Variants in ACADM observed in about 807,000 individuals in gnomAD.
The protein encoded by ACADM is acyl-CoA dehydrogenase medium chain.
Under a neutral mutation model 58.9 loss-of-function variants are expected in ACADM, and 49 were observed. The ratio of observed to expected loss-of-function variants is 0.83; its 90% CI spans 0.66 to 1.06. The LOEUF (loss-of-function observed/expected upper bound fraction) is 1.06. ACADM is among the 50% of genes least tolerant of loss of function. ACADM has a pLI of 0.00. For synonymous variants in ACADM, 160 were observed against 157.7 expected (o/e 1.01, Z -0.11); for missense variants, 496 against 507.0 (o/e 0.98, Z 0.21).
At chr1:75,757,003 C>A (rs1017195230) in intron 10 of ACADM, among the ~76,000 whole-genome samples, 3 of 152,046 alleles carry the variant, frequency 2.0e-5, no homozygotes, top group Non-Finnish European at 2.9e-5. Context: ...AACTGGCTAG[C>A]CATATGTAGA....
At chr1:75,728,574 TTAA>T (rs1302981265) in intron 2 of ACADM, 86 bp downstream of exon 2, 5 of 1,031,604 alleles carry the variant, frequency 4.8e-6, no homozygotes, top group Non-Finnish European at 4.5e-6. Flanking sequence ...GTAAATAAAC[TTAA>T]TAATGTCTTT....
intron 9 of ACADM, among the ~76,000 whole-genome samples, chr1:75,750,065 A>G (rs1557458211): frequency 2.6e-5 from 4 of 152,050 alleles, no homozygotes; most frequent in African/African-American, 7.2e-5. Context: ...CTTACTATAC[A>G]TTATAGAAAT....
chr1:75,729,048 T>C (rs1391803395), intron 2 of ACADM, among the ~76,000 whole-genome samples: 1 of 152,118 alleles, frequency 6.6e-6, no homozygotes, highest in Admixed American at 6.5e-5. Context: ...AAAGTGCTTC[T>C]TCAAAATTTT....
chr1:75,751,891 CA>C (rs979876623), intron 10 of ACADM, among the ~76,000 whole-genome samples: 4 of 152,048 alleles, frequency 2.6e-5, no homozygotes, highest in Non-Finnish European at 4.4e-5. Flanking sequence ...CATGAATTTC[CA>C]GGGTAATTCT....
intron 6 of ACADM, among the ~76,000 whole-genome samples, chr1:75,738,943 A>G (rs1006388289): frequency 6.6e-6 from 1 of 152,156 alleles, no homozygotes; most frequent in African/African-American, 2.4e-5. Context: ...ACCAGATAAA[A>G]TTTTAAATTT....
chr1:75,729,656 G>A (rs1647116489), intron 2 of ACADM, among the ~76,000 whole-genome samples: 1 of 151,062 alleles, frequency 6.6e-6, no homozygotes, highest in African/African-American at 2.4e-5. Flanking sequence ...ATCATGCCTG[G>A]CTAATTTCTA....
At chr1:75,743,786 C>T (rs1486557244) in intron 7 of ACADM, 9 of 1,544,540 alleles carry the variant, frequency 5.8e-6, no homozygotes, top group Non-Finnish European at 8.1e-6. Context: ...TTCCTGATGA[C>T]TGGAACCACC....
chr1:75,732,436 T>G (rs1430202893), intron 2 of ACADM: 3 of 572,398 alleles, frequency 5.2e-6, no homozygotes, highest in Non-Finnish European at 9.3e-6. Flanking sequence ...GTTAAAAATC[T>G]TACCTATTTC....
chr1:75,733,415 AT>A (rs1647186041), intron 4 of ACADM, 112 bp from the exon 5 acceptor site: 2 of 1,143,122 alleles, frequency 1.7e-6, no homozygotes, highest in South Asian at 2.6e-5. Flanking sequence ...TATATTGCAA[AT>A]TTCCTTTTAA....
At chr1:75,736,483 CATTCTCACT>C (rs1647269718) in intron 6 of ACADM, among the ~76,000 whole-genome samples, 1 of 152,130 alleles carries the variant, frequency 6.6e-6, no homozygotes. Flanking sequence ...GTTAGCTAAA[CATTCTCACT>C]ATTGTCTATA....
At chr1:75,760,586 C>CAAACTG (rs1225251103) in intron 10 of ACADM, among the ~76,000 whole-genome samples, 1 of 55,528 alleles carries the variant, frequency 1.8e-5, no homozygotes, top group African/African-American at 5.1e-5. Flanking sequence ...AAAAATCAGG[C>CAAACTG]AAACTGAAAT....
At chr1:75,737,300 ATATATATATATATATATATATATATATG>A (rs1647316905) in intron 6 of ACADM, among the ~76,000 whole-genome samples, 1 of 99,010 alleles carries the variant, frequency 1.0e-5, no homozygotes, top group African/African-American at 3.7e-5. Flanking sequence ...ATATATATAT[ATATATATATATATATATATATATATATG>A]AAACCAAAAA....
chr1:75,749,664 T>C (rs1570892077), intron 9 of ACADM, 105 bp downstream of exon 9: 17 of 1,061,372 alleles, frequency 1.6e-5, no homozygotes, highest in Non-Finnish European at 2.2e-5. Context: ...CTTTTTAATA[T>C]CTGCTTATTT....
At chr1:75,751,622 C>T (rs1302194095) in intron 10 of ACADM, among the ~76,000 whole-genome samples, 3 of 151,816 alleles carry the variant, frequency 2.0e-5, no homozygotes, top group Non-Finnish European at 2.9e-5. Flanking sequence ...CCTCAGCCTC[C>T]CGAGTCGCTG....
intron 7 of ACADM, among the ~76,000 whole-genome samples, chr1:75,741,682 T>C (rs920342012): frequency 6.6e-6 from 1 of 152,234 alleles, no homozygotes; most frequent in African/African-American, 2.4e-5. Context: ...TGAAACCAGA[T>C]AACAATTTTT....
chr1:75,728,191 C>G (rs887250987), intron 1 of ACADM, among the ~76,000 whole-genome samples: 1 of 152,080 alleles, frequency 6.6e-6, no homozygotes, highest in African/African-American at 2.4e-5. Flanking sequence ...ATTTTCATTA[C>G]TTTTTAAAAA....
At chr1:75,755,920 C>A (rs1648480198) in intron 10 of ACADM, among the ~76,000 whole-genome samples, 1 of 152,158 alleles carries the variant, frequency 6.6e-6, no homozygotes. Context: ...ATTCAACATA[C>A]CTTGAATCAA....
At chr1:75,750,691 G>T in intron 10 of ACADM, 145 bp downstream of exon 10, 1 of 707,592 alleles carries the variant, frequency 1.4e-6, no homozygotes, top group Non-Finnish European at 2.5e-6. Flanking sequence ...GAGTTTCAAA[G>T]ACATTTCTTT....
At chr1:75,747,151 C>T (rs1022028285) in intron 8 of ACADM, among the ~76,000 whole-genome samples, 1 of 152,126 alleles carries the variant, frequency 6.6e-6, no homozygotes, top group Admixed American at 6.5e-5. Flanking sequence ...TGCTAGCAAA[C>T]TTGGCCAAAT....
Sources: gnomAD v4.1 joint callset for allele counts (sites outside exome capture counted in the v4.1 genomes callset) on GRCh38, gnomAD v4.1.1 for gene constraint, MANE v1.5 for transcripts, NCBI Gene and HGNC (gene_info 2026-07-23, HGNC 2026-07-21) for gene names.